Variants in HOOK3 observed in about 807,000 individuals in gnomAD.
HOOK3 encodes the protein hook microtubule tethering protein 3.
A neutral mutation model predicts 116.3 loss-of-function variants in HOOK3; 24 were observed. The observed-to-expected ratio is 0.21, with a 90% confidence interval of 0.15 to 0.29. HOOK3 has a LOEUF of 0.29. Among genes scored for constraint, HOOK3 ranks in the 10% least tolerant of loss-of-function variants. HOOK3 has a pLI of 1.00. For synonymous variants in HOOK3, 275 were observed against 283.0 expected (o/e 0.97, Z 0.28); for missense variants, 632 against 830.2 (o/e 0.76, Z 2.93).
chr8:42,959,211 A>G lies in HOOK3; in HGVS notation c.532-20A>G. 6.5e-7 allele frequency: 1 copy of G among 1,531,374 alleles called. No homozygotes were observed. Among genetic ancestry groups the G allele is most frequent in the African/African-American group, 1.4e-5 (1 of 73,126 alleles). 94.9% of individuals were successfully genotyped at this position (1,531,374 alleles called of 1,614,324 possible). A position where few individuals can be genotyped will look rare whatever the true frequency, so the allele number is the denominator to read the frequency against. On this transcript the variant is annotated intron_variant, in intron 7 of 21. Coordinates refer to ENST00000307602, the MANE Select transcript of HOOK3 (RefSeq NM_032410.4). The stretch of plus-strand genomic sequence containing the variant: ...GTTACCACTTCATATTAAAATGTTT[A>G]TCTCTTTGTTTCTAACCAGCTGAAG...
chr8:42,956,546 A>C (rs113701931), intron 6 of HOOK3, among the ~76,000 whole-genome samples: 7,183 of 151,434 alleles, frequency 0.047, 341 homozygotes, highest in African/African-American at 0.12. Flanking sequence ...GTGCTGATAG[A>C]CCTTTAATTT....
At chr8:42,924,989 C>G (rs1368611435) in intron 2 of HOOK3, among the ~76,000 whole-genome samples, 1 of 151,772 alleles carries the variant, frequency 6.6e-6, no homozygotes, top group African/African-American at 2.4e-5. Flanking sequence ...AAAAAAAAAC[C>G]CAAAAACTAT....
chr8:42,952,995 C>A (rs1439492801), intron 6 of HOOK3, among the ~76,000 whole-genome samples: 1 of 151,960 alleles, frequency 6.6e-6, no homozygotes, highest in Admixed American at 6.6e-5. Flanking sequence ...ATATTTCTAG[C>A]CGGCAGAAAG....
chr8:42,947,431 A>G (rs980595824), intron 5 of HOOK3, among the ~76,000 whole-genome samples: 44 of 152,214 alleles, frequency 2.9e-4, no homozygotes, highest in Non-Finnish European at 1.5e-4. Flanking sequence ...AGGACTAGGA[A>G]AAGACAAAGA....
At chr8:42,972,832 CT>C (rs1244955326) in intron 11 of HOOK3, among the ~76,000 whole-genome samples, 1 of 152,134 alleles carries the variant, frequency 6.6e-6, no homozygotes, top group Admixed American at 6.5e-5. Context: ...CACTCATCTC[CT>C]TTTAAAGCTC....
intron 14 of HOOK3, among the ~76,000 whole-genome samples, chr8:42,986,424 CAA>C (rs991228407): frequency 7.2e-5 from 11 of 152,186 alleles, no homozygotes; most frequent in Middle Eastern, 6.8e-3. Context: ...ATATTTATGA[CAA>C]ATCATGATAT....
chr8:42,928,648 G>C (rs906188505), intron 3 of HOOK3, among the ~76,000 whole-genome samples: 2 of 152,262 alleles, frequency 1.3e-5, no homozygotes, highest in Admixed American at 1.3e-4. Context: ...AGTATATGGA[G>C]ATGGGTAGAA....
In HOOK3 at chr8:42,908,721, CAT is replaced by C. The variant is rs1259880676; in HGVS notation, c.143+2465_143+2466del. Reference sequence around the variant, plus strand: ...AATTTGAAAAACTACTGTAAGGAAACATAGGGGGAGAGCTTCTTGTTATTGGT... The same window carrying C: ...AATTTGAAAAACTACTGTAAGGAAACAGGGGGAGAGCTTCTTGTTATTGGT... On this transcript the variant is annotated intron_variant, in intron 2 of 21. Coordinates refer to ENST00000307602, the MANE Select transcript of HOOK3 (RefSeq NM_032410.4). Among the ~76,000 whole-genome samples, 4 of 152,126 alleles carry C rather than the reference CAT, an allele frequency of 2.6e-5. No homozygotes were observed. The South Asian group carries it at 6.2e-4, about 24-fold the overall frequency.
intron 15 of HOOK3, 52 bp from the exon 16 acceptor site, chr8:42,997,498 A>C: frequency 1.8e-6 from 2 of 1,090,732 alleles, no homozygotes; most frequent in South Asian, 1.4e-5. Context: ...CCTAGGGAAA[A>C]AAGGCATACG....
Position 42,934,441 on chromosome 8 carries a change from G to T in HOOK3, c.267+4269G>T, listed in dbSNP as rs1279430669. On this transcript the variant is annotated intron_variant, in intron 4 of 21. Transcript: ENST00000307602. ...AAGTTCTGAGATACATGTGCAGAAC[G>T]TGCAGGTTTGTTACATAGCTATACA... Among the ~76,000 whole-genome samples, 6 of 151,906 alleles carry T rather than the reference G, an allele frequency of 3.9e-5. No homozygotes were observed. In the East Asian group the frequency reaches 1.2e-3, roughly 29 times the overall value.
intron 15 of HOOK3, among the ~76,000 whole-genome samples, chr8:42,990,194 C>T (rs1411610522): frequency 6.6e-6 from 1 of 151,910 alleles, no homozygotes; most frequent in Non-Finnish European, 1.5e-5. Flanking sequence ...CAGGGTCTCC[C>T]TATGTTGCCC....
rs139473464 is a variant in HOOK3, at chr8:42,984,677, G to A, written c.1392-1978G>A. ...AGCGCTTCGGGAGGCCAAGGCAGGC[G>A]GATCACTTGAGGCCAGGAGTTCAAG... On this transcript the variant is annotated intron_variant, in intron 14 of 21. Transcript: ENST00000307602. Among the ~76,000 whole-genome samples, 485 of 152,218 alleles carry A rather than the reference G, an allele frequency of 3.2e-3. 8 individuals carry two copies. Among genetic ancestry groups the A allele is most frequent in the African/African-American group, 0.011 (439 of 41,546 alleles).
chr8:42,954,999 T>A (rs565593800), intron 6 of HOOK3, among the ~76,000 whole-genome samples: 2 of 152,140 alleles, frequency 1.3e-5, no homozygotes, highest in Non-Finnish European at 2.9e-5. Flanking sequence ...CTGATGAAAA[T>A]GAGGCTGCTG....
At chr8:42,915,175 TGTCCGATG>T (rs1035154047) in intron 2 of HOOK3, among the ~76,000 whole-genome samples, 1 of 152,136 alleles carries the variant, frequency 6.6e-6, no homozygotes, top group Non-Finnish European at 1.5e-5. Context: ...CTCCAGGGAC[TGTCCGATG>T]GTCACCAGGT....
intron 2 of HOOK3, among the ~76,000 whole-genome samples, chr8:42,913,824 C>G (rs1807480246): frequency 6.6e-6 from 1 of 151,938 alleles, no homozygotes; most frequent in Non-Finnish European, 1.5e-5. Context: ...TAGTGGCTGT[C>G]TAGTGGTTTT....
rs568830443 is a variant in HOOK3, at chr8:42,972,209, C to G, written c.1123-1080C>G. ...TAGCTCATCTTTACATTGGGGAATC[C>G]TGAGGCTCATGGGTTGAGGTTTTGT... On this transcript the variant is annotated intron_variant, in intron 11 of 21. Coordinates refer to ENST00000307602, the MANE Select transcript of HOOK3 (RefSeq NM_032410.4). 2.2e-3 allele frequency among the ~76,000 whole-genome samples: 328 copies of G among 152,128 alleles called. 2 individuals carry two copies. Among genetic ancestry groups the G allele is most frequent in the Non-Finnish European group, 3.9e-3 (264 of 68,008 alleles).
At chr8:42,985,587 C>T (rs761383981) in intron 14 of HOOK3, among the ~76,000 whole-genome samples, 6 of 151,838 alleles carry the variant, frequency 4.0e-5, no homozygotes, top group Non-Finnish European at 5.9e-5. Flanking sequence ...TCTTCTTTTC[C>T]GTACAATGTA....
chr8:42,991,682 G>A (rs768855895), intron 15 of HOOK3, among the ~76,000 whole-genome samples: 11 of 152,014 alleles, frequency 7.2e-5, no homozygotes, highest in East Asian at 1.9e-4. Flanking sequence ...GATTACAGGC[G>A]TGAGCCACTG....
At chr8:42,961,112 A>G (rs1275377536) in intron 8 of HOOK3, among the ~76,000 whole-genome samples, 1 of 151,906 alleles carries the variant, frequency 6.6e-6, no homozygotes, top group Non-Finnish European at 1.5e-5. Context: ...AAATTCCCTC[A>G]CTTGTGAGGA....
Sources: allele counts gnomAD v4.1 joint callset (sites outside exome capture counted in the v4.1 genomes callset), GRCh38; gene constraint gnomAD v4.1.1; transcripts MANE v1.5; gene names NCBI Gene and HGNC (gene_info 2026-07-23, HGNC 2026-07-21).